The following EXT1 variants were observed in gnomAD, a reference collection of about 807,000 sequenced individuals.
The protein encoded by EXT1 is exostosin glycosyltransferase 1, also known as exostosin-1.
A neutral mutation model predicts 82.5 loss-of-function variants in EXT1; 20 were observed. The ratio of observed to expected loss-of-function variants is 0.24; its 90% confidence interval spans 0.17 to 0.35. The LOEUF is 0.35. Among genes scored for constraint, EXT1 ranks in the 10% least tolerant of loss-of-function variants. The probability of loss-of-function intolerance (pLI) is 1.00; values close to 1 mark genes in which losing one functional copy is unlikely to be tolerated. For synonymous variants in EXT1, 348 were observed against 350.8 expected (o/e 0.99, Z 0.09); for missense variants, 757 against 936.5 (o/e 0.81, Z 2.50).
chr8:117,831,208 A>G (rs879396941), intron 3 of EXT1, among the ~76,000 whole-genome samples: 5 of 152,196 alleles, frequency 3.3e-5, no homozygotes, highest in Non-Finnish European at 7.3e-5. Flanking sequence ...CTCTAGCAGC[A>G]TTTACTACCT....
intron 1 of EXT1, among the ~76,000 whole-genome samples, chr8:118,097,580 C>G (rs1031865012): frequency 1.3e-5 from 2 of 152,198 alleles, no homozygotes; most frequent in Non-Finnish European, 2.9e-5. Flanking sequence ...GACCCACTGC[C>G]TTAACCCACT....
At chr8:117,911,818 C>T (rs1384815130) in intron 1 of EXT1, among the ~76,000 whole-genome samples, 1 of 152,180 alleles carries the variant, frequency 6.6e-6, no homozygotes, top group Non-Finnish European at 1.5e-5. Flanking sequence ...TATTCTAGTA[C>T]TTAGCTTGAT....
At chr8:118,013,760 T>C (rs987884056) in intron 1 of EXT1, among the ~76,000 whole-genome samples, 5 of 152,250 alleles carry the variant, frequency 3.3e-5, no homozygotes, top group Non-Finnish European at 7.3e-5. Context: ...TAGTATACTA[T>C]GGTCCACTAT....
intron 1 of EXT1, among the ~76,000 whole-genome samples, chr8:117,871,923 G>A (rs1438263443): frequency 6.6e-6 from 1 of 152,046 alleles, no homozygotes; most frequent in Non-Finnish European, 1.5e-5. Flanking sequence ...CCAGGAGTTT[G>A]AGACCAGCCT....
intron 1 of EXT1, among the ~76,000 whole-genome samples, chr8:117,906,832 G>T (rs961930884): frequency 6.6e-6 from 1 of 152,128 alleles, no homozygotes; most frequent in Non-Finnish European, 1.5e-5. Context: ...TCAGATCTCA[G>T]AGCAGAAGGC....
chr8:117,915,502 A>C (rs1813730651), intron 1 of EXT1, among the ~76,000 whole-genome samples: 1 of 152,170 alleles, frequency 6.6e-6, no homozygotes, highest in Non-Finnish European at 1.5e-5. Flanking sequence ...CAAATTTTTC[A>C]TTCTTATAAA....
At position 117,796,119 on chromosome 8, in the gene EXT1, G is replaced by A. The variant is rs998627675; in HGVS notation, c.*3593C>T. ...GGCTGCATGTTGATTATATTCACAA[G>A]TAAGAGGCAGGAGCATTTTTATTTG... On this transcript the variant is annotated 3_prime_UTR_variant, in exon 11 of 11. Transcript: ENST00000378204. 6.6e-6 allele frequency: 1 copy of A among 152,170 alleles called. No homozygotes were observed. The allele number at this position is 152,170 out of a possible 1,614,324, so 9.4% of individuals were successfully genotyped here.
rs1370264346 is a variant in EXT1 at position 117,959,539 on chromosome 8, TGCTTGAGGCAGATGCTGGATAA to T, written c.963-122360_963-122339del. Among the ~76,000 whole-genome samples the T allele has an allele frequency of 5.8e-4, 89 of 152,324 alleles. 1 individual carries two copies. The highest frequency in any genetic ancestry group is 1.5e-5 in the Non-Finnish European group (1 of 68,026). ...CCTTACCACTGTCATCATGATCACC[TGCTTGAGGCAGATGCTGGATAA>T]GCACTTCGCATTATCTTATTTAACC... is the stretch of plus-strand genomic sequence containing the variant. On this transcript the variant is annotated intron_variant, in intron 1 of 10. Transcript: ENST00000378204.
At chr8:117,840,479 G>C (rs1340599134) in intron 1 of EXT1, among the ~76,000 whole-genome samples, 1 of 152,106 alleles carries the variant, frequency 6.6e-6, no homozygotes. Flanking sequence ...GGGCATGGTA[G>C]CACATGCCTG....
chr8:117,863,411 G>T (rs1292106073), intron 1 of EXT1, among the ~76,000 whole-genome samples: 4 of 132,352 alleles, frequency 3.0e-5, no homozygotes, highest in African/African-American at 1.2e-4. Flanking sequence ...CTAAGTCTAG[G>T]TTTTTTTTTT....
At chr8:118,045,047 G>C (rs931493381) in intron 1 of EXT1, among the ~76,000 whole-genome samples, 1 of 152,124 alleles carries the variant, frequency 6.6e-6, no homozygotes, top group South Asian at 2.1e-4. Flanking sequence ...CTTCTAAAAG[G>C]CTCAACCATA....
intron 1 of EXT1, among the ~76,000 whole-genome samples, chr8:118,053,342 C>T (rs1355953528): frequency 6.6e-6 from 1 of 152,170 alleles, no homozygotes; most frequent in East Asian, 1.9e-4. Context: ...CACACCACGA[C>T]TCCCTTCAGT....
chr8:117,841,355 C>T (rs1488566695), intron 1 of EXT1, among the ~76,000 whole-genome samples: 1 of 152,050 alleles, frequency 6.6e-6, no homozygotes, highest in Admixed American at 6.5e-5. Context: ...CATGAAATCA[C>T]ATAGTTACAG....
chr8:117,817,210 A>G (rs1317367032), intron 7 of EXT1, among the ~76,000 whole-genome samples: 2 of 152,196 alleles, frequency 1.3e-5, no homozygotes, highest in African/African-American at 4.8e-5. Flanking sequence ...AGCTCAGCAC[A>G]CAGTAGGCAC....
chr8:117,856,546 G>C (rs1344700742), intron 1 of EXT1, among the ~76,000 whole-genome samples: 3 of 151,134 alleles, frequency 2.0e-5, no homozygotes, highest in African/African-American at 7.3e-5. Context: ...GATTACAGGC[G>C]TGAGCCACCG....
chr8:117,805,739 G>C (rs1160772428), intron 9 of EXT1, among the ~76,000 whole-genome samples: 1 of 152,134 alleles, frequency 6.6e-6, no homozygotes, highest in Non-Finnish European at 1.5e-5. Context: ...AGGCAAGATT[G>C]GTGTGTTCAC....
intron 1 of EXT1, among the ~76,000 whole-genome samples, chr8:117,931,801 C>T (rs2129650423): frequency 6.6e-6 from 1 of 152,264 alleles, no homozygotes; most frequent in East Asian, 1.9e-4. Context: ...TTAAAAGTCA[C>T]TCAAGGTTTC....
chr8:118,019,721 A>AACATCCCCTT (rs1816067214), intron 1 of EXT1, among the ~76,000 whole-genome samples: 1 of 152,260 alleles, frequency 6.6e-6, no homozygotes, highest in African/African-American at 2.4e-5. Flanking sequence ...CTCGCTATGT[A>AACATCCCCTT]TTAAGTATTG....
rs547365739 is a variant in EXT1 at position 117,916,452 on chromosome 8, A to G, written c.963-79251T>C. Among the ~76,000 whole-genome samples the G allele has an allele frequency of 4.6e-5, 7 of 152,330 alleles. No individual in the cohort carries two copies. In the South Asian group the frequency reaches 1.5e-3, roughly 32 times the overall value. ...GCAAGACCTCCTCTTTCTTCAAGAG[A>G]TTTATAGTTCTCAGGATATAGGCCT... On this transcript the variant is annotated intron_variant, in intron 1 of 10. Coordinates refer to ENST00000378204, the MANE Select transcript of EXT1 (RefSeq NM_000127.3).
Sources: gnomAD v4.1 joint callset for allele counts (sites outside exome capture counted in the v4.1 genomes callset) on GRCh38, gnomAD v4.1.1 for gene constraint, MANE v1.5 for transcripts, NCBI Gene and HGNC (gene_info 2026-07-23, HGNC 2026-07-21) for gene names.